Variants in MARCHF10 observed in about 807,000 individuals in gnomAD.
MARCHF10 encodes membrane associated ring-CH-type finger 10, also known as probable E3 ubiquitin-protein ligase MARCHF10.
A neutral mutation model predicts 76.2 loss-of-function variants in MARCHF10; 64 were observed. The ratio of observed to expected loss-of-function variants is 0.84; its 90% CI spans 0.69 to 1.03. MARCHF10 has a LOEUF of 1.03. Ranked by LOEUF, MARCHF10 falls within the 50% of genes least tolerant of loss-of-function variation. The pLI is 0.00. For missense variants in MARCHF10, 875 were observed against 958.0 expected, an observed-to-expected ratio of 0.91 and a Z score of 1.14; for synonymous variants, 340 against 357.5, an observed-to-expected ratio of 0.95 and a Z score of 0.55.
chr17:62,737,371 G>A (rs757559659), intron 5 of MARCHF10, 39 bp from the exon 6 acceptor site: 1 of 1,583,588 alleles, frequency 6.3e-7, no homozygotes, highest in South Asian at 1.2e-5. Context: ...TCCAGTAAAA[G>A]GGCCCATGGA....
intron 4 of MARCHF10, among the ~76,000 whole-genome samples, chr17:62,750,718 G>A (rs1475731950): frequency 2.0e-5 from 3 of 152,194 alleles, no homozygotes; most frequent in African/African-American, 7.2e-5. Context: ...TTAACCAAGG[G>A]AAGCGGCACC....
intron 3 of MARCHF10, among the ~76,000 whole-genome samples, chr17:62,771,577 T>TTA (rs34134932): frequency 2.0e-5 from 3 of 148,912 alleles, no homozygotes; most frequent in African/African-American, 7.4e-5. Context: ...AATATCTATT[T>TTA]TTTTTTTTTT....
intron 3 of MARCHF10, among the ~76,000 whole-genome samples, chr17:62,775,044 A>C (rs963090621): frequency 6.6e-6 from 1 of 151,098 alleles, no homozygotes; most frequent in Non-Finnish European, 1.5e-5. Context: ...ACAGAGCAAG[A>C]CTCCCATCTC....
chr17:62,735,035 T>C (rs1435044315), intron 6 of MARCHF10: 2 of 152,222 alleles, frequency 1.3e-5, no homozygotes, highest in African/African-American at 2.4e-5. Context: ...AGAAAGTTAC[T>C]TCATTACTGG....
chr17:62,705,432 G>C (rs1182124924), intron 10 of MARCHF10, 107 bp downstream of exon 10: 1 of 1,603,310 alleles, frequency 6.2e-7, no homozygotes, highest in Non-Finnish European at 8.5e-7. Context: ...TTTGCCTCTG[G>C]GTGGTGGTCA....
intron 2 of MARCHF10, among the ~76,000 whole-genome samples, chr17:62,789,736 G>A (rs1030885073): frequency 6.6e-6 from 1 of 152,080 alleles, no homozygotes; most frequent in African/African-American, 2.4e-5. Context: ...CCAAGAGTTC[G>A]AGACCAACCT....
chr17:62,736,497 G>A lies in MARCHF10; in HGVS notation c.1371C>T (p.Gly457=), dbSNP rs1305212747. The A allele has an allele frequency of 3.1e-6, 5 of 1,614,048 alleles. 1 individual carries two copies. In the South Asian group the frequency reaches 5.5e-5, roughly 18 times the overall value. ...CTGATGATCTTGGAGATATTGGTCT[G>A]CCAGAAATAAAGTAGTCAAGAGAAT... ...SQNSLDYFIS[G]RPISPRSSVN... is the part of the protein sequence containing the mutation. Residue 457 remains glycine (G), a synonymous_variant, in exon 6 of 11, where the codon GGC becomes GGT. Transcript: ENST00000311269.
chr17:62,735,878 T>C (rs2091239546), intron 6 of MARCHF10, 53 bp downstream of exon 6: 4 of 1,527,072 alleles, frequency 2.6e-6, no homozygotes. Flanking sequence ...AAAGCAATGC[T>C]AATTTTGGCC....
At chr17:62,785,698 C>T (rs1307497385) in intron 3 of MARCHF10, among the ~76,000 whole-genome samples, 1 of 152,118 alleles carries the variant, frequency 6.6e-6, no homozygotes, top group Non-Finnish European at 1.5e-5. Flanking sequence ...CAAACAACCC[C>T]ATCAAAAAGT....
rs374455358 is a variant in MARCHF10, at chr17:62,716,832, C to G, written c.2215-5488G>C. Among the ~76,000 whole-genome samples the G allele has an allele frequency of 1.2e-4, 19 of 152,178 alleles. No individual in the cohort carries two copies. In the East Asian group the frequency reaches 3.1e-3, roughly 25 times the overall value. On this transcript the variant is annotated intron_variant, in intron 8 of 10. Transcript: ENST00000311269. Reference sequence around the variant, plus strand: ...GTTTTGCCCCTTTTTTGGTACATGTCTAGACTTGTACACGTCTAGAAGTGG... The same window carrying G: ...GTTTTGCCCCTTTTTTGGTACATGTGTAGACTTGTACACGTCTAGAAGTGG...
intron 9 of MARCHF10, 67 bp from the exon 10 acceptor site, chr17:62,705,648 C>G: frequency 6.3e-7 from 1 of 1,585,266 alleles, no homozygotes; most frequent in East Asian, 2.2e-5. Flanking sequence ...GATGTATAAC[C>G]TCCTAGTCGC....
chr17:62,788,294 T>C (rs2092778629), intron 3 of MARCHF10, among the ~76,000 whole-genome samples, 186 bp downstream of exon 3: 1 of 152,144 alleles, frequency 6.6e-6, no homozygotes, highest in Non-Finnish European at 1.5e-5. Flanking sequence ...ACAGGGGTGG[T>C]GTCCCCAGGA....
intron 7 of MARCHF10, among the ~76,000 whole-genome samples, chr17:62,723,558 A>ATTTTTTTTTTTTT: frequency 1.6e-5 from 1 of 62,362 alleles, no homozygotes; most frequent in Non-Finnish European, 2.6e-5. Context: ...TGTTCGCTTG[A>ATTTTTTTTTTTTT]CTTTTTTTTT....
chr17:62,722,328 T>TAGTGGC (rs1404167624), intron 8 of MARCHF10, among the ~76,000 whole-genome samples, 160 bp downstream of exon 8: 2 of 151,430 alleles, frequency 1.3e-5, no homozygotes, highest in African/African-American at 4.9e-5. Context: ...TACTCTAATT[T>TAGTGGC]AGTGGCAGGT....
intron 3 of MARCHF10, among the ~76,000 whole-genome samples, chr17:62,768,486 C>A (rs1324806575): frequency 6.6e-6 from 1 of 152,194 alleles, no homozygotes; most frequent in Admixed American, 6.5e-5. Context: ...CGCCATTGCA[C>A]TCCAGTCTGG....
At chr17:62,786,610 C>T (rs187982549) in intron 3 of MARCHF10, among the ~76,000 whole-genome samples, 1 of 152,058 alleles carries the variant, frequency 6.6e-6, no homozygotes, top group East Asian at 1.9e-4. Context: ...ATTATAGAAG[C>T]TATTTCACAT....
intron 1 of MARCHF10, among the ~76,000 whole-genome samples, chr17:62,803,425 G>A (rs537529379): frequency 1.3e-5 from 2 of 152,314 alleles, no homozygotes; most frequent in Middle Eastern, 3.4e-3. Flanking sequence ...TAATCTAGAT[G>A]TGATAAGATG....
chr17:62,760,388 G>A (rs1267448261), intron 3 of MARCHF10, among the ~76,000 whole-genome samples: 1 of 152,306 alleles, frequency 6.6e-6, no homozygotes, highest in South Asian at 2.1e-4. Flanking sequence ...AAGAAAAAAT[G>A]TTCCTTATGT....
intron 2 of MARCHF10, among the ~76,000 whole-genome samples, chr17:62,796,369 C>T (rs143253088): frequency 6.4e-4 from 97 of 152,144 alleles, no homozygotes; most frequent in African/African-American, 2.3e-3. Context: ...AATAATATAA[C>T]AAAAAAAATT....
Sources: allele counts gnomAD v4.1 joint callset (sites outside exome capture counted in the v4.1 genomes callset), GRCh38; gene constraint gnomAD v4.1.1; transcripts MANE v1.5; gene names NCBI Gene and HGNC (gene_info 2026-07-23, HGNC 2026-07-21).